PIK3C2G: variants seen among roughly 807,000 people sequenced by gnomAD.
The protein encoded by PIK3C2G is phosphatidylinositol-4-phosphate 3-kinase catalytic subunit type 2 gamma.
A neutral mutation model predicts 181.1 loss-of-function variants in PIK3C2G; 168 were observed. That is an observed-to-expected ratio of 0.93 (90% CI 0.82 to 1.05). The LOEUF is 1.05. PIK3C2G is among the 50% of genes least tolerant of loss of function. The pLI is 0.00. For synonymous variants in PIK3C2G, 573 were observed against 592.2 expected, an observed-to-expected ratio of 0.97 and a Z score of 0.47; for missense variants, 1,869 against 1,732.8, an observed-to-expected ratio of 1.08 and a Z score of -1.40.
upstream of PIK3C2G, among the ~76,000 whole-genome samples, chr12:18,257,582 G>T (rs994262078): frequency 1.3e-5 from 2 of 151,574 alleles, no homozygotes; most frequent in African/African-American, 4.8e-5. Flanking sequence ...AATAGATACT[G>T]CAGTATTGCT....
the PIK3C2G span, among the ~76,000 whole-genome samples, chr12:18,676,425 A>T: frequency 6.6e-6 from 1 of 152,086 alleles, no homozygotes; most frequent in Admixed American, 6.6e-5. Context: ...GTCTCAGTAC[A>T]TTGACCCCTT....
At chr12:18,650,321 C>CTA (rs1271149401), downstream of PIK3C2G, among the ~76,000 whole-genome samples, 579 of 87,474 alleles carry the variant, frequency 6.6e-3, 1 homozygote, top group Middle Eastern at 0.012. Context: ...CTCTCTCTCT[C>CTA]TCTCTCTCTC....
At chr12:18,657,820 GA>G in the PIK3C2G span, among the ~76,000 whole-genome samples, 1 of 151,318 alleles carries the variant, frequency 6.6e-6, no homozygotes, top group South Asian at 2.1e-4. Flanking sequence ...CCCATACACA[GA>G]AAAAAAAGGA....
the PIK3C2G span, among the ~76,000 whole-genome samples, chr12:18,703,215 G>T: frequency 6.6e-6 from 1 of 152,082 alleles, no homozygotes; most frequent in African/African-American, 2.4e-5. Context: ...CATTGAGTCT[G>T]TGGGCATTCT....
At chr12:18,300,389 T>C (rs1238966320) in intron 5 of PIK3C2G, among the ~76,000 whole-genome samples, 9 of 152,014 alleles carry the variant, frequency 5.9e-5, no homozygotes, top group Non-Finnish European at 1.2e-4. Flanking sequence ...GTTGTCTCTT[T>C]TGTATTGTTT....
chr12:18,602,293 G>C (rs2136545626), intron 30 of PIK3C2G, among the ~76,000 whole-genome samples: 1 of 152,006 alleles, frequency 6.6e-6, no homozygotes, highest in South Asian at 2.1e-4. Context: ...GCATGACTTA[G>C]TTGAGGCAGC....
At chr12:18,331,042 C>G (rs1198683434) in intron 8 of PIK3C2G, among the ~76,000 whole-genome samples, 1 of 152,044 alleles carries the variant, frequency 6.6e-6, no homozygotes, top group South Asian at 2.1e-4. Flanking sequence ...GTTCTATGAT[C>G]CATTTCAAGT....
chr12:18,310,063 G>T (rs949615773), intron 5 of PIK3C2G, among the ~76,000 whole-genome samples: 4 of 151,772 alleles, frequency 2.6e-5, no homozygotes, highest in Admixed American at 2.6e-4. Flanking sequence ...ATTTTTAAAA[G>T]ATAATTAATA....
intron 1 of PIK3C2G, among the ~76,000 whole-genome samples, chr12:18,277,414 C>T (rs1189487087): frequency 6.6e-6 from 1 of 152,142 alleles, no homozygotes; most frequent in African/African-American, 2.4e-5. Flanking sequence ...TTACAGACTT[C>T]CTTTCCACCT....
chr12:18,478,830 C>A (rs1238456273), intron 18 of PIK3C2G, among the ~76,000 whole-genome samples: 2 of 151,778 alleles, frequency 1.3e-5, no homozygotes, highest in African/African-American at 4.8e-5. Context: ...TAAAAATTAC[C>A]CAGACGTGGC....
chr12:18,512,427 T>C (rs1211594546), intron 24 of PIK3C2G, among the ~76,000 whole-genome samples: 1 of 151,974 alleles, frequency 6.6e-6, no homozygotes, highest in Non-Finnish European at 1.5e-5. Context: ...AAAATATTAA[T>C]TCTTCCAATC....
chr12:18,592,463 T>G (rs1005712840), intron 29 of PIK3C2G, among the ~76,000 whole-genome samples: 4 of 151,850 alleles, frequency 2.6e-5, no homozygotes, highest in Non-Finnish European at 5.9e-5. Flanking sequence ...GAAATATATA[T>G]GTATGTAGTT....
At chr12:18,625,400 A>C (rs1949052243) in intron 31 of PIK3C2G, among the ~76,000 whole-genome samples, 1 of 151,674 alleles carries the variant, frequency 6.6e-6, no homozygotes, top group Non-Finnish European at 1.5e-5. Flanking sequence ...CTGTGATTTC[A>C]ATCTTCCTAA....
chr12:18,656,927 G>A, the PIK3C2G span, among the ~76,000 whole-genome samples: 1 of 152,258 alleles, frequency 6.6e-6, no homozygotes, highest in Admixed American at 6.5e-5. Flanking sequence ...CCCATCTCCT[G>A]CTCCCAGCTC....
chr12:18,651,706 A>G (rs1024905298), downstream of PIK3C2G, among the ~76,000 whole-genome samples: 6 of 152,136 alleles, frequency 3.9e-5, no homozygotes, highest in African/African-American at 1.4e-4. Context: ...AGATCCATTC[A>G]TCTGAAGTCA....
intron 14 of PIK3C2G, among the ~76,000 whole-genome samples, chr12:18,385,941 T>C (rs76364414): frequency 2.6e-3 from 397 of 152,242 alleles, no homozygotes; most frequent in Non-Finnish European, 5.0e-3. Context: ...AGTTCCTAGG[T>C]GCCAAACCCA....
In PIK3C2G at chr12:18,290,954, G is replaced by A. The variant is rs1364777699; in HGVS notation, c.861G>A (p.Lys287=). 5.0e-6 allele frequency: 8 copies of A among 1,592,766 alleles called. No individual in the cohort carries two copies. The Middle Eastern group carries it at 1.2e-3, about 232-fold the overall frequency. Residue 287 remains lysine, a synonymous_variant, in exon 4 of 33, where the codon AAG becomes AAA. Coordinates refer to ENST00000538779, the MANE Select transcript of PIK3C2G (RefSeq NM_001288772.2). ...CGTATCAGCTCTTTTCTAAGACCAA[G>A]TTTAATATACATATTTTTATTGATA... is the stretch of plus-strand genomic sequence containing the variant. ...AFPYQLFSKT[K]FNIHIFIDNS...
chr12:18,425,662 T>C (rs911620077), intron 18 of PIK3C2G, among the ~76,000 whole-genome samples: 7 of 152,144 alleles, frequency 4.6e-5, no homozygotes, highest in African/African-American at 1.7e-4. Context: ...AGTGCTGGGA[T>C]TACAGGTGTG....
intron 20 of PIK3C2G, among the ~76,000 whole-genome samples, 162 bp downstream of exon 20, chr12:18,491,720 A>G (rs1160106977): frequency 1.3e-5 from 2 of 152,198 alleles, no homozygotes; most frequent in Non-Finnish European, 2.9e-5. Flanking sequence ...CCTTTGATAC[A>G]CTAAGACCAG....
Sources: allele counts gnomAD v4.1 joint callset (sites outside exome capture counted in the v4.1 genomes callset), GRCh38; gene constraint gnomAD v4.1.1; transcripts MANE v1.5; gene names NCBI Gene and HGNC (gene_info 2026-07-23, HGNC 2026-07-21).